SORCS3: variants seen among roughly 807,000 people sequenced by gnomAD.
SORCS3 encodes the protein VPS10 domain-containing receptor SorCS3.
SORCS3 carries 57 observed loss-of-function variants against 146.3 expected under a neutral mutation model. That is an observed-to-expected ratio of 0.39 (90% CI 0.31 to 0.49). The LOEUF (loss-of-function observed/expected upper bound fraction) is 0.49, where lower values mean the gene tolerates loss of function less well. Ranked by LOEUF, SORCS3 falls within the 20% of genes least tolerant of loss-of-function variation. The probability of loss-of-function intolerance (pLI) is 0.92; values close to 1 mark genes in which losing one functional copy is unlikely to be tolerated. For synonymous variants in SORCS3, 653 were observed against 618.5 expected (o/e 1.06, Z -0.83); for missense variants, 1,341 against 1,575.5 (o/e 0.85, Z 2.52).
At chr10:104,747,771 T>C (rs571668708) in intron 1 of SORCS3, among the ~76,000 whole-genome samples, 3 of 152,340 alleles carry the variant, frequency 2.0e-5, no homozygotes, top group South Asian at 2.1e-4. Context: ...GTAGAAAATA[T>C]GTAACAACTC....
intron 6 of SORCS3, among the ~76,000 whole-genome samples, chr10:105,090,943 C>A (rs1252126840): frequency 1.3e-5 from 2 of 152,086 alleles, no homozygotes; most frequent in Non-Finnish European, 2.9e-5. Flanking sequence ...CTGTTGGAGG[C>A]CAACCGTAGA....
intron 7 of SORCS3, among the ~76,000 whole-genome samples, chr10:105,113,876 T>C (rs2055875275): frequency 6.6e-6 from 1 of 152,148 alleles, no homozygotes; most frequent in Admixed American, 6.6e-5. Flanking sequence ...CTGCCTGAAA[T>C]GCCTCCGTTC....
intron 17 of SORCS3, 101 bp from the exon 18 acceptor site, chr10:105,214,341 C>T: frequency 7.4e-7 from 1 of 1,345,492 alleles, no homozygotes. Flanking sequence ...CTGTTTTGCT[C>T]TTGCTCTCTT....
intron 1 of SORCS3, among the ~76,000 whole-genome samples, chr10:104,706,201 C>CTT (rs1162969172): frequency 0.02 from 1,724 of 85,788 alleles, 68 homozygotes; most frequent in African/African-American, 0.041. Flanking sequence ...TTTTCTTCTT[C>CTT]TTTTTTTTTT....
intron 2 of SORCS3, among the ~76,000 whole-genome samples, chr10:104,851,510 G>A (rs1021362): frequency 0.73 from 111,210 of 151,834 alleles, 41,671 homozygotes; most frequent in African/African-American, 0.88. Flanking sequence ...TAATGCAGTT[G>A]ATAAGTGAAT....
At chr10:104,721,204 G>A (rs547167544) in intron 1 of SORCS3, among the ~76,000 whole-genome samples, 13 of 152,280 alleles carry the variant, frequency 8.5e-5, no homozygotes, top group South Asian at 4.1e-4. Flanking sequence ...TGGCTAGCCA[G>A]TTTTCCCAGC....
In SORCS3 at chr10:105,002,420, G is replaced by A. The variant is rs565673790; in HGVS notation, c.954+24927G>A. Among the ~76,000 whole-genome samples the A allele has an allele frequency of 1.3e-4, 20 of 152,260 alleles. 1 individual carries two copies. The South Asian group carries it at 4.1e-3, about 32-fold the overall frequency. On this transcript the variant is annotated intron_variant, in intron 4 of 26. Coordinates refer to ENST00000369701, the MANE Select transcript of SORCS3 (RefSeq NM_014978.3). ...AGTAACCTCAGATAGGTAGGAATAA[G>A]GATTTATATCCTAGAGAGTAACATG...
At chr10:105,044,968 G>C (rs1369237508) in intron 5 of SORCS3, among the ~76,000 whole-genome samples, 2 of 147,600 alleles carry the variant, frequency 1.4e-5, no homozygotes, top group African/African-American at 5.0e-5. Flanking sequence ...AGCCTTTACT[G>C]AGCTGAGATA....
chr10:105,154,517 G>C (rs1321005171), intron 9 of SORCS3, among the ~76,000 whole-genome samples: 1 of 152,170 alleles, frequency 6.6e-6, no homozygotes, highest in African/African-American at 2.4e-5. Context: ...GTTCTCTTCC[G>C]TGGGCACCAT....
At chr10:105,052,717 T>C (rs1025487979) in intron 5 of SORCS3, among the ~76,000 whole-genome samples, 3 of 151,890 alleles carry the variant, frequency 2.0e-5, no homozygotes, top group African/African-American at 7.3e-5. Context: ...ATAGGAGAAT[T>C]GGAGGGCTAG....
intron 1 of SORCS3, among the ~76,000 whole-genome samples, chr10:104,688,486 G>A (rs1055991397): frequency 3.9e-5 from 6 of 152,210 alleles, no homozygotes; most frequent in Non-Finnish European, 5.9e-5. Flanking sequence ...GAGTAGCAGC[G>A]TGTGTGGATA....
At chr10:104,859,640 A>C (rs1258208554) in intron 2 of SORCS3, among the ~76,000 whole-genome samples, 1 of 152,220 alleles carries the variant, frequency 6.6e-6, no homozygotes, top group African/African-American at 2.4e-5. Flanking sequence ...CAACCTACAA[A>C]ATGGGAGAAA....
chr10:105,194,177 T>A (rs1003813385), intron 14 of SORCS3, among the ~76,000 whole-genome samples: 1 of 152,166 alleles, frequency 6.6e-6, no homozygotes, highest in Non-Finnish European at 1.5e-5. Context: ...ATATGAGGTG[T>A]TCACTTTCTC....
chr10:104,659,057 G>T (rs1333824926), intron 1 of SORCS3, among the ~76,000 whole-genome samples: 1 of 152,144 alleles, frequency 6.6e-6, no homozygotes, highest in Non-Finnish European at 1.5e-5. Context: ...TAAATGTACA[G>T]ATATTTTTAA....
rs2017689076 is a variant in SORCS3 at position 104,807,253 on chromosome 10, T to G, written c.628-35539T>G. 2.0e-5 allele frequency among the ~76,000 whole-genome samples: 3 copies of G among 152,130 alleles called. No homozygotes were observed. The South Asian group carries it at 6.2e-4, about 32-fold the overall frequency. The stretch of plus-strand genomic sequence containing the variant: ...TGCGTGCGCATGCACATGCATTTTG[T>G]ACAAAAACATACCACTTTTTATTCC... On this transcript the variant is annotated intron_variant, in intron 1 of 26. Coordinates refer to ENST00000369701, the MANE Select transcript of SORCS3 (RefSeq NM_014978.3).
At chr10:105,188,707 A>G (rs1395166247) in intron 14 of SORCS3, among the ~76,000 whole-genome samples, 6 of 152,220 alleles carry the variant, frequency 3.9e-5, no homozygotes, top group African/African-American at 1.4e-4. Context: ...TTAAAAATTA[A>G]TGAAAGATTT....
chr10:105,071,834 G>A (rs898838701), intron 5 of SORCS3, among the ~76,000 whole-genome samples: 1 of 152,170 alleles, frequency 6.6e-6, no homozygotes, highest in Non-Finnish European at 1.5e-5. Flanking sequence ...ATGAGGAAAC[G>A]AAGGCTTAAG....
rs940776317 is a variant in SORCS3 at position 104,644,826 on chromosome 10, C to G, written c.627+2872C>G. On this transcript the variant is annotated intron_variant, in intron 1 of 26. Coordinates refer to ENST00000369701, the MANE Select transcript of SORCS3 (RefSeq NM_014978.3). ...GCACCTGATTGCTTGATATGAGTTC[C>G]CTTTTGGGGAGCGTTTTCAGTAACC... Among the ~76,000 whole-genome samples, 3 of 152,106 alleles carry G rather than the reference C, an allele frequency of 2.0e-5. 1 individual carries two copies. The highest frequency in any genetic ancestry group is 1.3e-4 in the Admixed American group (2 of 15,268).
chr10:104,847,240 A>G (rs953032032), intron 2 of SORCS3, among the ~76,000 whole-genome samples: 14 of 152,184 alleles, frequency 9.2e-5, no homozygotes, highest in African/African-American at 3.1e-4. Flanking sequence ...GGAAACTCTG[A>G]TAGTGCCAAT....
Sources: allele counts gnomAD v4.1 joint callset (sites outside exome capture counted in the v4.1 genomes callset), GRCh38; gene constraint gnomAD v4.1.1; transcripts MANE v1.5; gene names NCBI Gene and HGNC (gene_info 2026-07-23, HGNC 2026-07-21).